Variants in PCDHA4 observed in about 807,000 individuals in gnomAD.
PCDHA4 encodes the protein protocadherin alpha-4.
PCDHA4 carries 49 observed loss-of-function variants against 61.4 expected under a neutral mutation model. The ratio of observed to expected loss-of-function variants is 0.80; its 90% CI spans 0.63 to 1.01. The LOEUF (loss-of-function observed/expected upper bound fraction) is 1.01, where lower values mean the gene tolerates loss of function less well. PCDHA4 is among the 50% of genes least tolerant of loss of function. The probability of loss-of-function intolerance (pLI) is 0.00; values close to 1 mark genes in which losing one functional copy is unlikely to be tolerated. For synonymous variants in PCDHA4, 590 were observed against 550.3 expected (o/e 1.07, Z -1.01); for missense variants, 1,254 against 1,235.8 (o/e 1.01, Z -0.22).
At chr5:140,823,832 T>G (rs1554129625) in intron 1 of PCDHA4, 2 of 1,613,836 alleles carry the variant, frequency 1.2e-6, no homozygotes, top group African/African-American at 1.3e-5. Flanking sequence ...GCGGGCGCTG[T>G]GGGTCCCGAG....
At chr5:140,984,533 T>C (rs1477702565) in intron 3 of PCDHA4, among the ~76,000 whole-genome samples, 1 of 152,216 alleles carries the variant, frequency 6.6e-6, no homozygotes, top group African/African-American at 2.4e-5. Context: ...CTTCATGGAC[T>C]GTGCTGGATA....
chr5:140,882,816 A>C, intron 1 of PCDHA4: 3 of 1,614,266 alleles, frequency 1.9e-6, no homozygotes, highest in Non-Finnish European at 2.5e-6. Flanking sequence ...TTGGACGCAC[A>C]AAACAGTCTT....
intron 1 of PCDHA4, among the ~76,000 whole-genome samples, chr5:140,827,663 G>A (rs1447950540): frequency 1.3e-5 from 2 of 152,174 alleles, no homozygotes; most frequent in Non-Finnish European, 2.9e-5. Context: ...AAGCAGTTCC[G>A]TTAACACTTA....
rs1367583489 is a variant in PCDHA4, at chr5:140,807,254, G to A, written c.67G>A (p.Ala23Thr). 1.1e-5 allele frequency: 18 copies of A among 1,614,118 alleles called. No individual in the cohort carries two copies. The highest frequency in any genetic ancestry group is 1.4e-5 in the Non-Finnish European group (17 of 1,180,054). ...RLLLLLLLLA[A>T]WEAGNGQLHY... ...GCTGCTCTTACTTCTTCTCCTCGCA[G>A]CCTGGGAGGCAGGGAACGGTCAGCT... is the stretch of plus-strand genomic sequence containing the variant. Residue 23 changes from alanine (A) to threonine (T), a missense_variant, in exon 1 of 4, where the codon GCC becomes ACC. Physicochemically the swap from Ala to Thr is moderately conservative, Grantham distance 58. Transcript: ENST00000530339.
chr5:140,977,974 A>G (rs2096783738), intron 1 of PCDHA4, among the ~76,000 whole-genome samples: 1 of 152,182 alleles, frequency 6.6e-6, no homozygotes, highest in African/African-American at 2.4e-5. Context: ...CCGCCCATGA[A>G]AACGCATCTA....
At position 140,850,924 on chromosome 5, in the gene PCDHA4, T is replaced by G. The variant is rs2150502629; in HGVS notation, c.2385+41352T>G. ...TCTAGCATTTTATTTATTTATATAA[T>G]TTTTTTTCTTGAAAGATATTATCGA... On this transcript the variant is annotated intron_variant, in intron 1 of 3. Transcript: ENST00000530339. 179 of 1,517,174 alleles carry G rather than the reference T, an allele frequency of 1.2e-4. 13 individuals carry two copies. The Admixed American group carries it at 3.8e-3, about 32-fold the overall frequency. The allele number at this position is 1,517,174 out of a possible 1,614,324, so 94.0% of individuals were successfully genotyped here. A position where few individuals can be genotyped will look rare whatever the true frequency, so the allele number is the denominator to read the frequency against.
At chr5:140,843,680 G>A (rs2150364967) in intron 1 of PCDHA4, 1 of 1,588,882 alleles carries the variant, frequency 6.3e-7, no homozygotes, top group Non-Finnish European at 8.6e-7. Context: ...TGATGTAGGC[G>A]AAGAGCAAGA....
intron 1 of PCDHA4, among the ~76,000 whole-genome samples, chr5:140,817,811 A>G (rs2150099228): frequency 6.6e-6 from 1 of 152,152 alleles, no homozygotes; most frequent in African/African-American, 2.4e-5. Flanking sequence ...TTACGTTTTT[A>G]TATATCTGGA....
chr5:140,880,066 C>T (rs1582502313), intron 1 of PCDHA4, among the ~76,000 whole-genome samples: 1 of 152,176 alleles, frequency 6.6e-6, no homozygotes, highest in East Asian at 1.9e-4. Flanking sequence ...TTTTTGGGGA[C>T]CACAATTCAA....
chr5:140,852,232 T>A (rs1441900683), intron 1 of PCDHA4: 2 of 602,048 alleles, frequency 3.3e-6, no homozygotes, highest in African/African-American at 4.0e-5. Context: ...TTTTAAATTT[T>A]CCCTTAAAAC....
At chr5:140,977,815 G>C (rs2096776039) in intron 1 of PCDHA4, among the ~76,000 whole-genome samples, 1 of 152,208 alleles carries the variant, frequency 6.6e-6, no homozygotes, top group Non-Finnish European at 1.5e-5. Context: ...ATTATTGACA[G>C]TTTTGAATGG....
intron 3 of PCDHA4, among the ~76,000 whole-genome samples, chr5:140,985,189 G>A (rs1440212716): frequency 3.3e-5 from 5 of 152,004 alleles, no homozygotes; most frequent in African/African-American, 9.7e-5. Context: ...CGCCTGCCTC[G>A]GTCTCCCAAA....
chr5:141,004,037 G>A (rs946974688), intron 3 of PCDHA4, among the ~76,000 whole-genome samples: 1 of 152,200 alleles, frequency 6.6e-6, no homozygotes, highest in African/African-American at 2.4e-5. Flanking sequence ...TTCCTTGATT[G>A]ATCATTTGCT....
At chr5:140,842,669 G>C (rs1554139258) in intron 1 of PCDHA4, 2 of 1,595,384 alleles carry the variant, frequency 1.3e-6, no homozygotes, top group East Asian at 2.2e-5. Context: ...CGACGTGAAC[G>C]ACAATGCTCC....
At chr5:140,829,937 A>G (rs1770693047) in intron 1 of PCDHA4, 2 of 1,614,002 alleles carry the variant, frequency 1.2e-6, no homozygotes, top group South Asian at 2.2e-5. Context: ...GCCCCCGGCA[A>G]GCAGCGCTCG....
chr5:140,871,762 G>A (rs2053295572), intron 1 of PCDHA4, among the ~76,000 whole-genome samples: 1 of 152,200 alleles, frequency 6.6e-6, no homozygotes, highest in South Asian at 2.1e-4. Flanking sequence ...AGATGCAAGA[G>A]TGACTCTTCT....
intron 1 of PCDHA4, among the ~76,000 whole-genome samples, chr5:140,954,134 A>G (rs1443838127): frequency 6.6e-6 from 1 of 152,194 alleles, no homozygotes; most frequent in Non-Finnish European, 1.5e-5. Flanking sequence ...TTATGGATGC[A>G]TAGTATTCCA....
rs1167461963 is a variant in PCDHA4 at position 140,968,386 on chromosome 5, G to A, written c.2386-10563G>A. 2.5e-6 allele frequency: 4 copies of A among 1,613,910 alleles called. No homozygotes were observed. The African/African-American group carries it at 4.0e-5, about 16-fold the overall frequency. On this transcript the variant is annotated intron_variant, in intron 1 of 3. Transcript: ENST00000530339. ...ATGCTGTCAACTCCTTTGACTATGA[G>A]AAGTTTCGGGAGTTCTTTGTGACTG...
At chr5:140,892,811 T>C (rs1554185379) in intron 1 of PCDHA4, among the ~76,000 whole-genome samples, 1 of 152,210 alleles carries the variant, frequency 6.6e-6, no homozygotes, top group Non-Finnish European at 1.5e-5. Context: ...TAACCATATT[T>C]ATCCTACAGT....
Sources: gnomAD v4.1 joint callset for allele counts (sites outside exome capture counted in the v4.1 genomes callset) on GRCh38, gnomAD v4.1.1 for gene constraint, MANE v1.5 for transcripts, NCBI Gene and HGNC (gene_info 2026-07-23, HGNC 2026-07-21) for gene names.